MACROD2: variants seen among roughly 807,000 people sequenced by gnomAD.
MACROD2 encodes the protein ADP-ribose glycohydrolase MACROD2.
Under a neutral mutation model 70.4 loss-of-function variants are expected in MACROD2, and 36 were observed. The observed-to-expected ratio is 0.51, with a 90% CI of 0.39 to 0.68. The LOEUF (loss-of-function observed/expected upper bound fraction) is 0.68. Among genes scored for constraint, MACROD2 ranks in the 30% least tolerant of loss-of-function variants. MACROD2 has a pLI of 0.00. For synonymous variants in MACROD2, 172 were observed against 178.8 expected, an observed-to-expected ratio of 0.96 and a Z score of 0.30; for missense variants, 496 against 538.4, an observed-to-expected ratio of 0.92 and a Z score of 0.78.
At chr20:14,864,817 G>A (rs1055661295) in intron 5 of MACROD2, among the ~76,000 whole-genome samples, 2 of 152,014 alleles carry the variant, frequency 1.3e-5, no homozygotes, top group African/African-American at 4.8e-5. Context: ...ATGTTAAGAA[G>A]GTTTCTAGAC....
intron 5 of MACROD2, among the ~76,000 whole-genome samples, chr20:14,742,384 AT>A (rs927329956): frequency 6.6e-6 from 1 of 152,196 alleles, no homozygotes; most frequent in Admixed American, 6.5e-5. Context: ...ACATATAGCC[AT>A]TTTTCCATAG....
chr20:15,162,677 A>G (rs747028634), intron 5 of MACROD2, among the ~76,000 whole-genome samples: 3 of 151,680 alleles, frequency 2.0e-5, no homozygotes, highest in African/African-American at 2.4e-5. Flanking sequence ...TGGAGGAAAC[A>G]TGCTTAGATA....
At chr20:15,907,675 G>A (rs943562273) in intron 10 of MACROD2, among the ~76,000 whole-genome samples, 1 of 152,204 alleles carries the variant, frequency 6.6e-6, no homozygotes, top group East Asian at 1.9e-4. Context: ...TGTGCCGTGA[G>A]TGTGGACAGT....
intron 8 of MACROD2, among the ~76,000 whole-genome samples, chr20:15,594,597 T>G (rs1409985668): frequency 6.6e-6 from 1 of 152,210 alleles, no homozygotes. Context: ...TCATTGCTAT[T>G]TTAATTTCTG....
rs529470490 is a variant in MACROD2, at chr20:15,042,405, A to T, written c.419-187535A>T. Among the ~76,000 whole-genome samples the T allele has an allele frequency of 4.5e-4, 69 of 152,364 alleles. 1 individual carries two copies. In the South Asian group the frequency reaches 9.5e-3, roughly 21 times the overall value. Reference sequence around the variant, plus strand: ...ATCTGTGTAATGCTCAATCATTTCCAGTATGCCCTCACCTGGCCACCTGTA... The same window carrying T: ...ATCTGTGTAATGCTCAATCATTTCCTGTATGCCCTCACCTGGCCACCTGTA... On this transcript the variant is annotated intron_variant, in intron 5 of 17. Transcript: ENST00000684519.
chr20:15,415,114 G>A (rs1409929480), intron 6 of MACROD2, among the ~76,000 whole-genome samples: 2 of 152,200 alleles, frequency 1.3e-5, no homozygotes, highest in African/African-American at 4.8e-5. Flanking sequence ...TTGCAATTCT[G>A]AGTTAGATAT....
chr20:14,827,107 A>G (rs1568819040), intron 5 of MACROD2, among the ~76,000 whole-genome samples: 2 of 152,102 alleles, frequency 1.3e-5, no homozygotes, highest in African/African-American at 2.4e-5. Flanking sequence ...AGAATGCTAC[A>G]TTAGCATCAT....
intron 5 of MACROD2, among the ~76,000 whole-genome samples, chr20:14,940,148 C>CAAAAAAAA (rs57697517): frequency 5.3e-4 from 29 of 55,070 alleles, no homozygotes; most frequent in Non-Finnish European, 8.1e-4. Flanking sequence ...CTCATCTCTG[C>CAAAAAAAA]AAAAAAAAAA....
intron 6 of MACROD2, among the ~76,000 whole-genome samples, chr20:15,238,299 A>G (rs2077031907): frequency 6.6e-6 from 1 of 152,208 alleles, no homozygotes; most frequent in Admixed American, 6.5e-5. Context: ...TATCCTATAG[A>G]ATACATGGTC....
intron 5 of MACROD2, among the ~76,000 whole-genome samples, chr20:15,082,484 A>G (rs2075711663): frequency 6.7e-6 from 1 of 149,272 alleles, no homozygotes; most frequent in East Asian, 2.0e-4. Flanking sequence ...TCCTTGAGTC[A>G]GTGAAATGTT....
intron 5 of MACROD2, among the ~76,000 whole-genome samples, chr20:14,956,943 A>G (rs1404720638): frequency 6.6e-6 from 1 of 152,134 alleles, no homozygotes; most frequent in Non-Finnish European, 1.5e-5. Context: ...GCCACCTTCA[A>G]GATATTTCCT....
intron 5 of MACROD2, among the ~76,000 whole-genome samples, chr20:14,853,963 G>A (rs1289555853): frequency 1.3e-5 from 2 of 152,134 alleles, no homozygotes; most frequent in East Asian, 1.9e-4. Context: ...AGATTTGGGT[G>A]TATTTTGTGT....
chr20:15,924,093 GC>G (rs1316386240), intron 10 of MACROD2, among the ~76,000 whole-genome samples: 1 of 152,176 alleles, frequency 6.6e-6, no homozygotes, highest in African/African-American at 2.4e-5. Context: ...CCCATATATT[GC>G]TTTCATCCTG....
intron 7 of MACROD2, among the ~76,000 whole-genome samples, chr20:15,465,587 A>G (rs1251649509): frequency 6.6e-6 from 1 of 152,284 alleles, no homozygotes; most frequent in Non-Finnish European, 1.5e-5. Context: ...GCGCCAGCTC[A>G]GGGCTATCCA....
chr20:15,203,669 ATAATT>A (rs201053032), intron 5 of MACROD2, among the ~76,000 whole-genome samples: 2,371 of 149,620 alleles, frequency 0.016, 21 homozygotes, highest in Middle Eastern at 0.065. Flanking sequence ...CTAAACTAAG[ATAATT>A]TAATCTTCTA....
intron 4 of MACROD2, among the ~76,000 whole-genome samples, chr20:14,642,154 C>A (rs1251577055): frequency 1.3e-5 from 2 of 152,224 alleles, no homozygotes; most frequent in African/African-American, 4.8e-5. Flanking sequence ...GAGACAGCTT[C>A]TTTCCTTAAT....
At chr20:14,456,856 A>G (rs1176796731) in intron 3 of MACROD2, among the ~76,000 whole-genome samples, 1 of 150,998 alleles carries the variant, frequency 6.6e-6, no homozygotes, top group Non-Finnish European at 1.5e-5. Context: ...AGCTGGGACT[A>G]CAGGTGCCCA....
At chr20:16,006,741 G>T (rs1029823365) in intron 15 of MACROD2, among the ~76,000 whole-genome samples, 9 of 152,276 alleles carry the variant, frequency 5.9e-5, no homozygotes, top group African/African-American at 2.2e-4. Flanking sequence ...AGGCTCAGGT[G>T]TTGGGTAATA....
intron 6 of MACROD2, among the ~76,000 whole-genome samples, chr20:15,271,562 A>G (rs1192785671): frequency 6.6e-6 from 1 of 152,222 alleles, no homozygotes; most frequent in Non-Finnish European, 1.5e-5. Flanking sequence ...CATTTGTTAG[A>G]TGTTGAATAA....
Sources: allele counts gnomAD v4.1 joint callset (sites outside exome capture counted in the v4.1 genomes callset), GRCh38; gene constraint gnomAD v4.1.1; transcripts MANE v1.5; gene names NCBI Gene and HGNC (gene_info 2026-07-23, HGNC 2026-07-21).